IMMP2L: variants seen among roughly 807,000 people sequenced by gnomAD.
IMMP2L encodes the protein mitochondrial inner membrane protease subunit 2.
Under a neutral mutation model 19.3 loss-of-function variants are expected in IMMP2L, and 18 were observed. That is an observed-to-expected ratio of 0.93 (90% CI 0.64 to 1.38). The LOEUF (loss-of-function observed/expected upper bound fraction) is 1.38, where lower values mean the gene tolerates loss of function less well. IMMP2L is among the 40% of genes most tolerant of loss of function. The pLI, the probability that IMMP2L is intolerant of heterozygous loss-of-function variation, is 0.00. For synonymous variants in IMMP2L, 76 were observed against 73.0 expected, an observed-to-expected ratio of 1.04 and a Z score of -0.21; for missense variants, 233 against 218.2, an observed-to-expected ratio of 1.07 and a Z score of -0.43.
chr7:110,875,544 T>C (rs1232569967), intron 5 of IMMP2L, among the ~76,000 whole-genome samples: 1 of 152,182 alleles, frequency 6.6e-6, no homozygotes, highest in African/African-American at 2.4e-5. Context: ...ATTAGGTTTT[T>C]GTGAAATGAA....
At chr7:110,953,711 T>C (rs1818070617) in intron 4 of IMMP2L, among the ~76,000 whole-genome samples, 1 of 152,120 alleles carries the variant, frequency 6.6e-6, no homozygotes, top group Admixed American at 6.6e-5. Flanking sequence ...TCAAATAGTA[T>C]TTCTGGTTCT....
intron 5 of IMMP2L, among the ~76,000 whole-genome samples, chr7:110,883,120 T>C (rs1401868863): frequency 6.6e-6 from 1 of 152,236 alleles, no homozygotes; most frequent in Non-Finnish European, 1.5e-5. Context: ...AAGAATTCTA[T>C]GGAATTTTAA....
chr7:110,772,704 C>T (rs1231833724), intron 5 of IMMP2L, among the ~76,000 whole-genome samples: 1 of 152,154 alleles, frequency 6.6e-6, no homozygotes, highest in African/African-American at 2.4e-5. Flanking sequence ...AGCCAGGCCC[C>T]TTGACTGCAA....
intron 5 of IMMP2L, among the ~76,000 whole-genome samples, chr7:110,695,612 C>T (rs1292269496): frequency 2.6e-5 from 4 of 151,910 alleles, no homozygotes; most frequent in Admixed American, 6.6e-5. Context: ...AAGATAGAAG[C>T]GGGAGGGCAG....
chr7:110,815,083 T>C (rs1584913504), intron 5 of IMMP2L, among the ~76,000 whole-genome samples: 1 of 152,226 alleles, frequency 6.6e-6, no homozygotes, highest in African/African-American at 2.4e-5. Flanking sequence ...GCCCATTCAG[T>C]ATGATATTGG....
chr7:111,275,600 A>G (rs1818939762), intron 3 of IMMP2L, among the ~76,000 whole-genome samples: 1 of 152,184 alleles, frequency 6.6e-6, no homozygotes, highest in African/African-American at 2.4e-5. Context: ...AGGTAACACA[A>G]TTAAGTTTTA....
chr7:111,442,876 A>C (rs961950720), intron 3 of IMMP2L, among the ~76,000 whole-genome samples: 5 of 151,894 alleles, frequency 3.3e-5, no homozygotes, highest in Non-Finnish European at 5.9e-5. Context: ...TAAAAAATCC[A>C]AATTGAGCTG....
At chr7:111,160,883 A>G (rs1805186408) in intron 3 of IMMP2L, among the ~76,000 whole-genome samples, 1 of 151,386 alleles carries the variant, frequency 6.6e-6, no homozygotes, top group Non-Finnish European at 1.5e-5. Context: ...TTAATAAGAG[A>G]GCCAAATAAA....
At chr7:111,217,951 AG>A (rs1470223736) in intron 3 of IMMP2L, among the ~76,000 whole-genome samples, 4 of 152,080 alleles carry the variant, frequency 2.6e-5, no homozygotes, top group African/African-American at 7.2e-5. Context: ...TAGAATCAAC[AG>A]GAGCAGTATT....
intron 5 of IMMP2L, among the ~76,000 whole-genome samples, chr7:110,878,809 A>T (rs1051179901): frequency 2.6e-5 from 4 of 152,138 alleles, no homozygotes; most frequent in Non-Finnish European, 5.9e-5. Context: ...ACTCTTCCAA[A>T]CATCACAGAC....
At chr7:111,011,747 A>C (rs1824982185) in intron 3 of IMMP2L, among the ~76,000 whole-genome samples, 2 of 152,278 alleles carry the variant, frequency 1.3e-5, no homozygotes, top group Non-Finnish European at 1.5e-5. Flanking sequence ...AACAAATGAA[A>C]ACAAATAAAT....
At chr7:110,964,851 C>G (rs1819364647) in intron 3 of IMMP2L, among the ~76,000 whole-genome samples, 2 of 151,890 alleles carry the variant, frequency 1.3e-5, no homozygotes, top group African/African-American at 2.4e-5. Context: ...TCCTGAGCAG[C>G]CTAAGGAGAG....
chr7:110,778,426 T>C (rs1459585535), intron 5 of IMMP2L, among the ~76,000 whole-genome samples: 5 of 152,014 alleles, frequency 3.3e-5, no homozygotes, highest in African/African-American at 9.7e-5. Context: ...TAATCTCTTA[T>C]GATGCACGTA....
chr7:111,005,614 T>TG (rs1202308420), intron 3 of IMMP2L, among the ~76,000 whole-genome samples: 1 of 152,186 alleles, frequency 6.6e-6, no homozygotes, highest in Admixed American at 6.5e-5. Context: ...TGTCACTTAC[T>TG]GTGTTCCTGT....
At chr7:111,551,856 A>G (rs1790692269) in intron 1 of IMMP2L, among the ~76,000 whole-genome samples, 3 of 152,160 alleles carry the variant, frequency 2.0e-5, no homozygotes, top group Admixed American at 1.3e-4. Context: ...AGGAGGAAAT[A>G]TAGCCCCTAC....
intron 4 of IMMP2L, among the ~76,000 whole-genome samples, chr7:110,957,303 T>G (rs1818450679): frequency 6.6e-6 from 1 of 151,974 alleles, no homozygotes; most frequent in Admixed American, 6.6e-5. Flanking sequence ...TGACTATAAA[T>G]AACGTAACGT....
intron 5 of IMMP2L, among the ~76,000 whole-genome samples, chr7:110,695,354 G>C (rs1793808049): frequency 6.6e-6 from 1 of 151,752 alleles, no homozygotes; most frequent in Non-Finnish European, 1.5e-5. Flanking sequence ...ACCACCCCCA[G>C]CTAATTTTTA....
At chr7:111,348,474 GA>G in intron 3 of IMMP2L, among the ~76,000 whole-genome samples, 1 of 152,024 alleles carries the variant, frequency 6.6e-6, no homozygotes, top group Non-Finnish European at 1.5e-5. Flanking sequence ...TAAAAAGACT[GA>G]GCCAGTTTTC....
intron 5 of IMMP2L, among the ~76,000 whole-genome samples, chr7:110,704,180 T>A (rs1794485961): frequency 6.6e-6 from 1 of 152,138 alleles, no homozygotes; most frequent in South Asian, 2.1e-4. Flanking sequence ...CAATTGATTT[T>A]ATAATTTCTA....
Sources: gnomAD v4.1 joint callset for allele counts (sites outside exome capture counted in the v4.1 genomes callset) on GRCh38, gnomAD v4.1.1 for gene constraint, MANE v1.5 for transcripts, NCBI Gene and HGNC (gene_info 2026-07-23, HGNC 2026-07-21) for gene names.